Variants in ACAN observed in about 807,000 individuals in gnomAD.
ACAN encodes aggrecan core protein.
In ACAN, 47 loss-of-function variants were observed where a neutral mutation model predicts 169.1. The observed-to-expected ratio is 0.28, with a 90% CI of 0.22 to 0.35. The LOEUF (loss-of-function observed/expected upper bound fraction) is 0.35, where lower values mean the gene tolerates loss of function less well. Among genes scored for constraint, ACAN ranks in the 10% least tolerant of loss-of-function variants. ACAN has a pLI of 1.00. For synonymous variants in ACAN, 1,115 were observed against 1,112.2 expected, an observed-to-expected ratio of 1.00 and a Z score of -0.05; for missense variants, 2,716 against 2,759.9, an observed-to-expected ratio of 0.98 and a Z score of 0.36.
rs1897397205 is a variant in ACAN at position 88,872,187 on chromosome 15, C to G, written c.7302+102C>G. ...CAAACCCCATGCAGACAGCCGCTTACCAGCTGCTGGACCGGGAACCCTTGA... is the reference window on the plus strand; with the variant it reads ...CAAACCCCATGCAGACAGCCGCTTAGCAGCTGCTGGACCGGGAACCCTTGA... On this transcript the variant is annotated intron_variant, in intron 16 of 18. Coordinates refer to ENST00000560601, the MANE Select transcript of ACAN (RefSeq NM_001369268.1). The surrounding 1 kb of genome is among the most constrained non-coding windows in gnomAD (Gnocchi z 5.4). 1 of 1,017,980 alleles carries G rather than the reference C, an allele frequency of 9.8e-7. No homozygotes were observed. The highest frequency in any genetic ancestry group is 1.5e-6 in the Non-Finnish European group (1 of 658,412). 63.1% of individuals were successfully genotyped at this position (1,017,980 alleles called of 1,614,324 possible). A position where few individuals can be genotyped will look rare whatever the true frequency, so the allele number is the denominator to read the frequency against.
At chr15:88,825,675 G>C (rs1017369407) in intron 1 of ACAN, among the ~76,000 whole-genome samples, 2 of 152,190 alleles carry the variant, frequency 1.3e-5, no homozygotes, top group African/African-American at 2.4e-5. Flanking sequence ...TTACTAGCAG[G>C]GACATAGATC....
Position 88,873,837 on chromosome 15 carries a change from C to G in ACAN, c.7448-5C>G, listed in dbSNP as rs1567195329. ...GACCCTTTATAAAGGGTGTTTGCCC[C>G]TCAGTGGCCTGCGGAGAGCCCCCTG... is the stretch of plus-strand genomic sequence containing the variant. On this transcript the variant is annotated splice_region_variant and splice_polypyrimidine_tract_variant and intron_variant, in intron 17 of 18. Coordinates refer to ENST00000560601, the MANE Select transcript of ACAN (RefSeq NM_001369268.1). The surrounding 1 kb of genome is among the most constrained non-coding windows in gnomAD (Gnocchi z 7.5). 1 of 1,613,566 alleles carries G rather than the reference C, an allele frequency of 6.2e-7. No homozygotes were observed. The highest frequency in any genetic ancestry group is 1.7e-5 in the Admixed American group (1 of 60,018).
At chr15:88,854,378 C>T (rs1897000451) in intron 11 of ACAN, among the ~76,000 whole-genome samples, 1 of 152,210 alleles carries the variant, frequency 6.6e-6, no homozygotes, top group Non-Finnish European at 1.5e-5. Flanking sequence ...TCTATTCAAG[C>T]TCCCAGAGGG....
At chr15:88,826,618 C>T (rs150673623) in intron 1 of ACAN, among the ~76,000 whole-genome samples, 1 of 152,220 alleles carries the variant, frequency 6.6e-6, no homozygotes, top group Non-Finnish European at 1.5e-5. Flanking sequence ...CAAGATCCCA[C>T]CAACCGTGCG....
chr15:88,837,707 C>A (rs1391335884), intron 2 of ACAN, among the ~76,000 whole-genome samples: 1 of 152,140 alleles, frequency 6.6e-6, no homozygotes, highest in African/African-American at 2.4e-5. Flanking sequence ...TGGAAGGGGC[C>A]AGTGGGACTG....
chr15:88,813,548 C>T (rs1157789271), intron 1 of ACAN, among the ~76,000 whole-genome samples: 1 of 152,130 alleles, frequency 6.6e-6, no homozygotes, highest in Non-Finnish European at 1.5e-5. Flanking sequence ...CTCAGTAGTT[C>T]GTGATGACTC....
At position 88,874,266 on chromosome 15, in the gene ACAN, A is replaced by C. The variant is rs1596158595; in HGVS notation, c.7631-139A>C. 9.3e-7 allele frequency: 1 copy of C among 1,074,696 alleles called. No homozygotes were observed. Among genetic ancestry groups the C allele is most frequent in the East Asian group, 2.6e-5 (1 of 38,704 alleles). The allele number at this position is 1,074,696 out of a possible 1,614,324, so 66.6% of individuals were successfully genotyped here. On this transcript the variant is annotated intron_variant, in intron 18 of 18. Transcript: ENST00000560601. This position sits in a 1 kb window ranked among gnomAD's most constrained non-coding sequence, Gnocchi z 7.3. ...AAGCCAGAAAGTCCAAGAAAAATCC[A>C]AATCAGGAAAGCCGATAAAGCCTCA...
At chr15:88,810,439 G>A (rs563258387) in intron 1 of ACAN, among the ~76,000 whole-genome samples, 7 of 152,098 alleles carry the variant, frequency 4.6e-5, no homozygotes, top group Admixed American at 2.0e-4. Flanking sequence ...TGGCCTTCTC[G>A]CCTCAGCCGC....
intron 1 of ACAN, among the ~76,000 whole-genome samples, chr15:88,825,154 G>A (rs1016051599): frequency 1.3e-5 from 2 of 152,142 alleles, no homozygotes; most frequent in Non-Finnish European, 2.9e-5. Context: ...AGCAGGAGCG[G>A]ATCACATGGG....
At chr15:88,834,222 G>T (rs1214878574) in intron 1 of ACAN, among the ~76,000 whole-genome samples, 2 of 152,200 alleles carry the variant, frequency 1.3e-5, no homozygotes, top group Non-Finnish European at 2.9e-5. Flanking sequence ...TGAGGATGAC[G>T]TGCCTCATGC....
chr15:88,862,094 T>G (rs1897205811), intron 13 of ACAN, among the ~76,000 whole-genome samples: 1 of 152,070 alleles, frequency 6.6e-6, no homozygotes, highest in African/African-American at 2.4e-5. Flanking sequence ...AATAAGAAAC[T>G]CCCTCTTGAA....
intron 1 of ACAN, among the ~76,000 whole-genome samples, chr15:88,817,557 GAA>G (rs11334021): frequency 0.16 from 23,346 of 147,972 alleles, 1,945 homozygotes; most frequent in East Asian, 0.32. Context: ...GTTCAAGATA[GAA>G]AAAAAAAAAA....
In ACAN at chr15:88,840,911, A is replaced by G. The variant is rs539501917; in HGVS notation, c.629+725A>G. Among the ~76,000 whole-genome samples, 303 of 152,268 alleles carry G rather than the reference A, an allele frequency of 2.0e-3. 2 individuals carry two copies. The highest frequency in any genetic ancestry group is 5.8e-3 in the African/African-American group (242 of 41,558). On this transcript the variant is annotated intron_variant, in intron 4 of 18. Coordinates refer to ENST00000560601, the MANE Select transcript of ACAN (RefSeq NM_001369268.1). ...TGTAATCCCAGCACTTTGGGAGGCC[A>G]AGGCGGGCAGATCACGAAGTCAGGA...
At chr15:88,860,815 A>T (rs1204230977) in intron 13 of ACAN, among the ~76,000 whole-genome samples, 2 of 152,098 alleles carry the variant, frequency 1.3e-5, no homozygotes, top group East Asian at 3.9e-4. Context: ...GGAGTGTCTG[A>T]GTGGGGCCAT....
At position 88,814,427 on chromosome 15, in the gene ACAN, G is replaced by A. The variant is rs537142137; in HGVS notation, c.-8+10618G>A. ...CTTTTCTGCCTACTTATGCTCTTAAGATAGTCTTACCATCCTGGAGCAGAA... is the reference window on the plus strand; with the variant it reads ...CTTTTCTGCCTACTTATGCTCTTAAAATAGTCTTACCATCCTGGAGCAGAA... On this transcript the variant is annotated intron_variant, in intron 1 of 18. Transcript: ENST00000560601. The surrounding 1 kb of genome is among the most constrained non-coding windows in gnomAD (Gnocchi z 4.0). Among the ~76,000 whole-genome samples the A allele has an allele frequency of 1.1e-4, 16 of 152,326 alleles. No individual in the cohort carries two copies. The highest frequency in any genetic ancestry group is 3.4e-4 in the African/African-American group (14 of 41,562).
Position 88,847,259 on chromosome 15 carries a change from C to T in ACAN, c.1446C>T (p.Tyr482=). ...CCCACCCAGGGGTCGTCTTCCACTA[C>T]CGCCCGGGACCCACCCGCTACTCGC... ...PHLPGGVVFH[Y]RPGPTRYSLT... The change falls in exon 8 of 19, where the codon TAC becomes TAT. Residue 482 remains tyrosine, a synonymous_variant. Coordinates refer to ENST00000560601, the MANE Select transcript of ACAN (RefSeq NM_001369268.1). 1 of 1,555,232 alleles carries T rather than the reference C, an allele frequency of 6.4e-7. No homozygotes were observed. Among genetic ancestry groups the T allele is most frequent in the Non-Finnish European group, 8.7e-7 (1 of 1,149,730 alleles).
chr15:88,853,984 A>G (rs1896992085), intron 11 of ACAN, among the ~76,000 whole-genome samples: 1 of 152,170 alleles, frequency 6.6e-6, no homozygotes, highest in Non-Finnish European at 1.5e-5. Flanking sequence ...TCTGGGAAGT[A>G]GGCCCCAAAG....
At position 88,861,275 on chromosome 15, in the gene ACAN, A is replaced by C. The variant is rs1897188343; in HGVS notation, c.6946+836A>C. Among the ~76,000 whole-genome samples the C allele has an allele frequency of 6.6e-6, 1 of 152,088 alleles. No homozygotes were observed. The highest frequency in any genetic ancestry group is 6.5e-5 in the Admixed American group (1 of 15,280). Reference sequence around the variant, plus strand: ...TGCCCTTATCCCCAGCCTCCCTCCTAGGTCAAGAATCAGAGACCTAGGGTC... The same window carrying C: ...TGCCCTTATCCCCAGCCTCCCTCCTCGGTCAAGAATCAGAGACCTAGGGTC... On this transcript the variant is annotated intron_variant, in intron 13 of 18. Coordinates refer to ENST00000560601, the MANE Select transcript of ACAN (RefSeq NM_001369268.1). The surrounding 1 kb of genome is among the most constrained non-coding windows in gnomAD (Gnocchi z 6.3).
intron 11 of ACAN, 27 bp downstream of exon 11, chr15:88,852,060 C>A: frequency 6.4e-7 from 1 of 1,569,086 alleles, no homozygotes; most frequent in East Asian, 2.4e-5. Context: ...TTCTGGGGCA[C>A]ACCCTGAAGC....
Sources: gnomAD v4.1 joint callset for allele counts (sites outside exome capture counted in the v4.1 genomes callset) on GRCh38, gnomAD v4.1.1 for gene constraint, Gnocchi (gnomAD v3.1) non-coding constraint, MANE v1.5 for transcripts, NCBI Gene and HGNC (gene_info 2026-07-23, HGNC 2026-07-21) for gene names.